Variants in DNAH6 observed in about 807,000 individuals in gnomAD.
DNAH6 encodes axonemal beta dynein heavy chain 6.
DNAH6 carries 340 observed loss-of-function variants against 491.4 expected under a neutral mutation model. That is an observed-to-expected ratio of 0.69 (90% CI 0.63 to 0.76). DNAH6 has a LOEUF of 0.76. Among genes scored for constraint, DNAH6 ranks in the 30% least tolerant of loss-of-function variants. DNAH6 has a pLI of 0.00. For synonymous variants in DNAH6, 1,603 were observed against 1,686.1 expected (o/e 0.95, Z 1.21); for missense variants, 4,443 against 4,972.2 (o/e 0.89, Z 3.20).
chr2:84,536,522 T>G (rs1677702642), intron 4 of DNAH6, among the ~76,000 whole-genome samples: 2 of 151,696 alleles, frequency 1.3e-5, no homozygotes, highest in Admixed American at 1.3e-4. Context: ...GAGAGAAATC[T>G]TCACCATTGT....
intron 6 of DNAH6, 30 bp downstream of exon 6, chr2:84,547,432 C>CT: frequency 6.4e-7 from 1 of 1,551,326 alleles, no homozygotes; most frequent in Non-Finnish European, 8.7e-7. Context: ...AGAATCAAAG[C>CT]TTTTTTCCCT....
At chr2:84,756,076 C>G (rs1673980505) in intron 63 of DNAH6, among the ~76,000 whole-genome samples, 1 of 152,202 alleles carries the variant, frequency 6.6e-6, no homozygotes, top group South Asian at 2.1e-4. Context: ...AAACCTCTTT[C>G]TTTTGTAAAT....
At chr2:84,564,539 G>A (rs1289505301) in intron 11 of DNAH6, among the ~76,000 whole-genome samples, 1 of 152,084 alleles carries the variant, frequency 6.6e-6, no homozygotes, top group African/African-American at 2.4e-5. Flanking sequence ...CATTTATTTT[G>A]TATTCCAAAA....
At chr2:84,527,084 T>G (rs933118980) in intron 3 of DNAH6, among the ~76,000 whole-genome samples, 2 of 152,138 alleles carry the variant, frequency 1.3e-5, no homozygotes, top group Admixed American at 6.6e-5. Flanking sequence ...AAAGGTAATT[T>G]TTTCAGATAT....
At chr2:84,771,107 G>A (rs1015834404) in intron 64 of DNAH6, among the ~76,000 whole-genome samples, 10 of 152,036 alleles carry the variant, frequency 6.6e-5, no homozygotes, top group Non-Finnish European at 1.0e-4. Flanking sequence ...TGCCCAACAT[G>A]GAGAAATCCT....
At chr2:84,592,690 C>T (rs1684221676) in intron 16 of DNAH6, among the ~76,000 whole-genome samples, 1 of 152,128 alleles carries the variant, frequency 6.6e-6, no homozygotes, top group Non-Finnish European at 1.5e-5. Context: ...TTAAAATGTC[C>T]ATCAGCAGAT....
chr2:84,793,530 T>C (rs1677995476), intron 68 of DNAH6, among the ~76,000 whole-genome samples: 1 of 152,154 alleles, frequency 6.6e-6, no homozygotes, highest in East Asian at 1.9e-4. Flanking sequence ...TTGGAGAAAC[T>C]AGAGCTTTAT....
intron 69 of DNAH6, among the ~76,000 whole-genome samples, chr2:84,797,333 G>T (rs1449580212): frequency 1.3e-5 from 2 of 152,196 alleles, no homozygotes; most frequent in African/African-American, 4.8e-5. Context: ...AGTTAGGACA[G>T]TAATGAGATT....
chr2:84,632,577 T>C (rs574066300), intron 29 of DNAH6, among the ~76,000 whole-genome samples: 105 of 152,336 alleles, frequency 6.9e-4, no homozygotes, highest in Admixed American at 2.6e-4. Context: ...TCTCCACGTA[T>C]GCCAGGACTT....
At chr2:84,601,129 T>A (rs13407953) in intron 18 of DNAH6, among the ~76,000 whole-genome samples, 10,847 of 149,462 alleles carry the variant, frequency 0.073, 1,303 homozygotes, top group African/African-American at 0.26. Context: ...AAGATGAACC[T>A]GGAGCATCTT....
chr2:84,736,359 A>G (rs1010405231), intron 62 of DNAH6, among the ~76,000 whole-genome samples: 5 of 152,108 alleles, frequency 3.3e-5, no homozygotes, highest in Admixed American at 2.0e-4. Flanking sequence ...ATTTTAGAAT[A>G]GTTTTTTCTA....
chr2:84,516,448 G>A (rs916068030), upstream of DNAH6: 2 of 152,228 alleles, frequency 1.3e-5, no homozygotes, highest in African/African-American at 4.8e-5. Flanking sequence ...TTACTCAGTG[G>A]CGCAGTGCTT....
intron 51 of DNAH6, among the ~76,000 whole-genome samples, chr2:84,704,989 T>C (rs1338008383): frequency 1.3e-5 from 2 of 152,122 alleles, no homozygotes; most frequent in Middle Eastern, 3.2e-3. Flanking sequence ...AGAGCACAGA[T>C]AGAGAGCTGT....
At chr2:84,703,085 A>G (rs28641716) in intron 49 of DNAH6, among the ~76,000 whole-genome samples, 1 of 152,056 alleles carries the variant, frequency 6.6e-6, no homozygotes, top group African/African-American at 2.4e-5. Context: ...CACTCATTCA[A>G]CATGCTACCA....
Position 84,624,908 on chromosome 2 carries a change from T to C in DNAH6, c.4360T>C (p.Cys1454Arg), listed in dbSNP as rs1289614604. 1 of 1,548,130 alleles carries C rather than the reference T, an allele frequency of 6.5e-7. No homozygotes were observed. Among genetic ancestry groups the C allele is most frequent in the Admixed American group, 2.0e-5 (1 of 50,186 alleles). The change falls in exon 29 of 77, where the codon TGC becomes CGC. Residue 1454 changes from cysteine (C) to arginine (R), a missense_variant. Cys to Arg is a radical substitution (Grantham distance 180). This residue lies in a region of DNAH6 where 2,977 missense variants were observed against 3,296.6 expected (regional missense o/e 0.90). Transcript: ENST00000389394. ...AATGCATTGCTTTCTTCAGGATCGC[T>C]GCTATCTTTGCCTCATGGGAGCTTT... is the stretch of plus-strand genomic sequence containing the variant. ...RLVITPLTDR[C>R]YLCLMGALQL...
chr2:84,580,162 G>A (rs1682863207), intron 14 of DNAH6, among the ~76,000 whole-genome samples: 1 of 152,154 alleles, frequency 6.6e-6, no homozygotes, highest in African/African-American at 2.4e-5. Context: ...CTGCATAATA[G>A]TCAGGAAACT....
intron 64 of DNAH6, among the ~76,000 whole-genome samples, chr2:84,780,711 T>G (rs11690152): frequency 0.027 from 4,097 of 152,334 alleles, 79 homozygotes; most frequent in South Asian, 0.06. Flanking sequence ...CAGAATTCTT[T>G]TGCTGATTCC....
intron 4 of DNAH6, among the ~76,000 whole-genome samples, chr2:84,540,553 G>A (rs1465565001): frequency 6.6e-6 from 1 of 152,030 alleles, no homozygotes; most frequent in Non-Finnish European, 1.5e-5. Flanking sequence ...TTCAGGAGGA[G>A]AAAAAATTTT....
chr2:84,556,367 T>A (rs532962412), intron 10 of DNAH6, among the ~76,000 whole-genome samples: 1 of 152,330 alleles, frequency 6.6e-6, no homozygotes, highest in East Asian at 1.9e-4. Context: ...CAGAGTATCC[T>A]ATTTCTGCAC....
Sources: gnomAD v4.1 joint callset for allele counts (sites outside exome capture counted in the v4.1 genomes callset) on GRCh38, gnomAD v4.1.1 for gene constraint, gnomAD v4.1.1 regional missense constraint, MANE v1.5 for transcripts, NCBI Gene and HGNC (gene_info 2026-07-23, HGNC 2026-07-21) for gene names.